The following HCN1 variants were observed in gnomAD, a reference collection of about 807,000 sequenced individuals.
HCN1 encodes the protein potassium/sodium hyperpolarization-activated cyclic nucleotide-gated channel 1.
In HCN1, 13 loss-of-function variants were observed where a neutral mutation model predicts 78.9. The ratio of observed to expected loss-of-function variants is 0.16; its 90% CI spans 0.11 to 0.26. HCN1 has a LOEUF of 0.26. Among genes scored for constraint, HCN1 ranks in the 10% least tolerant of loss-of-function variants. HCN1 has a pLI of 1.00. For synonymous variants in HCN1, 552 were observed against 455.5 expected (o/e 1.21, Z -2.70); for missense variants, 810 against 1,154.3 (o/e 0.70, Z 4.32).
intron 3 of HCN1, among the ~76,000 whole-genome samples, chr5:45,459,552 T>C (rs1474196031): frequency 6.6e-6 from 1 of 151,924 alleles, no homozygotes; most frequent in African/African-American, 2.4e-5. Context: ...AACACACACA[T>C]TTGAGCACAT....
At chr5:45,400,701 C>A (rs1234893124) in intron 3 of HCN1, among the ~76,000 whole-genome samples, 2 of 152,196 alleles carry the variant, frequency 1.3e-5, no homozygotes, top group African/African-American at 2.4e-5. Flanking sequence ...GCCACTGTGC[C>A]CAGCCTAAGA....
chr5:45,474,371 G>A (rs1741470853), intron 2 of HCN1, among the ~76,000 whole-genome samples: 1 of 151,818 alleles, frequency 6.6e-6, no homozygotes, highest in East Asian at 1.9e-4. Flanking sequence ...TTTAATTGGT[G>A]ACTAAGTTCT....
intron 2 of HCN1, among the ~76,000 whole-genome samples, chr5:45,521,463 C>T (rs1401512651): frequency 6.6e-6 from 1 of 151,972 alleles, no homozygotes; most frequent in Non-Finnish European, 1.5e-5. Flanking sequence ...CTGTTCCATG[C>T]CTTTCTCCTA....
At chr5:45,306,391 G>A (rs1366357394) in intron 5 of HCN1, among the ~76,000 whole-genome samples, 1 of 152,028 alleles carries the variant, frequency 6.6e-6, no homozygotes, top group Non-Finnish European at 1.5e-5. Context: ...GCATATCCAG[G>A]TGTTTCTGTT....
intron 5 of HCN1, among the ~76,000 whole-genome samples, chr5:45,317,763 C>G (rs1411893541): frequency 2.6e-5 from 4 of 152,102 alleles, no homozygotes; most frequent in African/African-American, 7.2e-5. Flanking sequence ...AGGATATGAA[C>G]AGACACTTCT....
chr5:45,678,115 T>G (rs1008785357), intron 1 of HCN1, among the ~76,000 whole-genome samples: 3 of 151,828 alleles, frequency 2.0e-5, no homozygotes, highest in Non-Finnish European at 2.9e-5. Flanking sequence ...GGGTTCGGCT[T>G]CCTCGGATTA....
chr5:45,355,514 G>A (rs1443774078), intron 4 of HCN1, among the ~76,000 whole-genome samples: 1 of 151,896 alleles, frequency 6.6e-6, no homozygotes, highest in Non-Finnish European at 1.5e-5. Flanking sequence ...GTCATCTTAG[G>A]ACATAAGGAA....
At chr5:45,660,661 C>T (rs1036654226) in intron 1 of HCN1, among the ~76,000 whole-genome samples, 2 of 147,910 alleles carry the variant, frequency 1.4e-5, no homozygotes, top group African/African-American at 2.5e-5. Context: ...ATCCTAGTCT[C>T]TGATAAAACA....
Position 45,504,074 on chromosome 5 carries a change from C to G in HCN1, c.850-42067G>C, listed in dbSNP as rs997877026. On this transcript the variant is annotated intron_variant, in intron 2 of 7. Transcript: ENST00000303230. ...TGCTAGGATTGCAGGCATGAGCCAC[C>G]ATGCCAGGACCACATTTTATTATTA... is the stretch of plus-strand genomic sequence containing the variant. Among the ~76,000 whole-genome samples, 2 of 152,032 alleles carry G rather than the reference C, an allele frequency of 1.3e-5. 1 individual carries two copies. Among genetic ancestry groups the G allele is most frequent in the Admixed American group, 1.3e-4 (2 of 15,244 alleles).
At chr5:45,339,879 A>G (rs1182598958) in intron 5 of HCN1, among the ~76,000 whole-genome samples, 1 of 152,166 alleles carries the variant, frequency 6.6e-6, no homozygotes, top group Non-Finnish European at 1.5e-5. Context: ...AGTGTAAATT[A>G]TGGTGTGGCA....
At chr5:45,491,511 A>G (rs1741886356) in intron 2 of HCN1, among the ~76,000 whole-genome samples, 1 of 152,194 alleles carries the variant, frequency 6.6e-6, no homozygotes, top group African/African-American at 2.4e-5. Flanking sequence ...CCACTTTTTC[A>G]TAGACTTGCT....
chr5:45,462,119 AT>A, intron 2 of HCN1, 112 bp from the exon 3 acceptor site: 4 of 793,310 alleles, frequency 5.0e-6, no homozygotes, highest in Non-Finnish European at 8.4e-6. Flanking sequence ...TTTAATAAAA[AT>A]ATGGGAATAA....
At chr5:45,386,254 C>A (rs1360846432) in intron 4 of HCN1, among the ~76,000 whole-genome samples, 2 of 150,442 alleles carry the variant, frequency 1.3e-5, no homozygotes, top group Admixed American at 1.3e-4. Context: ...GAGCTCACTG[C>A]AGCCTCAACC....
intron 1 of HCN1, among the ~76,000 whole-genome samples, chr5:45,656,980 C>A (rs1333806806): frequency 2.0e-5 from 3 of 151,890 alleles, no homozygotes; most frequent in African/African-American, 2.4e-5. Context: ...TATTATACTG[C>A]ATTGAAGTTT....
chr5:45,551,150 T>C (rs564941541), intron 2 of HCN1, among the ~76,000 whole-genome samples: 2 of 152,086 alleles, frequency 1.3e-5, no homozygotes, highest in Admixed American at 1.3e-4. Flanking sequence ...GGCCTAAATT[T>C]TGGGAAGTCA....
rs1744601486 is a variant in HCN1, at chr5:45,255,895, TA to T, written c.*6025del. The stretch of plus-strand genomic sequence containing the variant: ...AACCTGTTTTTTTGCAAAATTCCGT[TA>T]TTTAAAAAAAAAAGTCTGAATAACT... On this transcript the variant is annotated 3_prime_UTR_variant, in exon 8 of 8. Coordinates refer to ENST00000303230, the MANE Select transcript of HCN1 (RefSeq NM_021072.4). 1 of 152,046 alleles carries T rather than the reference TA, an allele frequency of 6.6e-6. No individual in the cohort carries two copies. The highest frequency in any genetic ancestry group is 1.5e-5 in the Non-Finnish European group (1 of 68,010). The allele number at this position is 152,046 out of a possible 1,614,324, so 9.4% of individuals were successfully genotyped here. A position where few individuals can be genotyped will look rare whatever the true frequency, so the allele number is the denominator to read the frequency against.
At chr5:45,376,236 CTATAT>C (rs1747658706) in intron 4 of HCN1, among the ~76,000 whole-genome samples, 1 of 27,952 alleles carries the variant, frequency 3.6e-5, no homozygotes, top group Non-Finnish European at 7.3e-5. Context: ...AATATATATT[CTATAT>C]ATTCTATATA....
chr5:45,540,077 G>T (rs185266477), intron 2 of HCN1, among the ~76,000 whole-genome samples: 2 of 150,822 alleles, frequency 1.3e-5, no homozygotes, highest in East Asian at 3.9e-4. Context: ...AAACATCTTT[G>T]CAAATAGTGC....
intron 2 of HCN1, among the ~76,000 whole-genome samples, chr5:45,601,706 A>G (rs565488981): frequency 4.6e-5 from 7 of 152,012 alleles, no homozygotes; most frequent in Non-Finnish European, 2.9e-5. Flanking sequence ...CTACTGCACT[A>G]TTTTTGTTTG....
Sources: allele counts gnomAD v4.1 joint callset (sites outside exome capture counted in the v4.1 genomes callset), GRCh38; gene constraint gnomAD v4.1.1; transcripts MANE v1.5; gene names NCBI Gene and HGNC (gene_info 2026-07-23, HGNC 2026-07-21).